Variants in SDC2 observed in about 807,000 individuals in gnomAD.
SDC2 encodes syndecan-2.
Under a neutral mutation model 22.2 loss-of-function variants are expected in SDC2, and 13 were observed. The ratio of observed to expected loss-of-function variants is 0.59; its 90% CI spans 0.38 to 0.93. The LOEUF (loss-of-function observed/expected upper bound fraction) is 0.93, where lower values mean the gene tolerates loss of function less well. Ranked by LOEUF, SDC2 falls within the 40% of genes least tolerant of loss-of-function variation. SDC2 has a pLI of 0.00. For synonymous variants in SDC2, 94 were observed against 92.8 expected, an observed-to-expected ratio of 1.01 and a Z score of -0.07; for missense variants, 235 against 246.8, an observed-to-expected ratio of 0.95 and a Z score of 0.32.
chr8:96,595,659 C>T (rs1439008846), intron 2 of SDC2, among the ~76,000 whole-genome samples: 1 of 152,192 alleles, frequency 6.6e-6, no homozygotes, highest in African/African-American at 2.4e-5. Flanking sequence ...AGTCATTTTG[C>T]TGATTTGCTA....
chr8:96,494,327 A>G lies in SDC2; in HGVS notation c.56A>G (p.Glu19Gly). Reference protein sequence around the residue: ...TLGLVACVSAESRAELTSDKD... With the variant: ...TLGLVACVSAGSRAELTSDKD... ...GGCTTGGTGGCCTGCGTGTCGGCGG[A>G]GTCGGTGAGTGGGCCAGGCGGAGGA... The change falls in exon 1 of 5, where the codon GAG becomes GGG. Residue 19 changes from glutamate (E) to glycine (G), a missense_variant. Glu to Gly is a moderately conservative substitution (Grantham distance 98). Transcript: ENST00000302190. 1 of 1,542,114 alleles carries G rather than the reference A, an allele frequency of 6.5e-7. No homozygotes were observed. Among genetic ancestry groups the G allele is most frequent in the Non-Finnish European group, 8.7e-7 (1 of 1,148,324 alleles).
intron 1 of SDC2, among the ~76,000 whole-genome samples, chr8:96,553,758 A>G (rs1814064674): frequency 7.3e-6 from 1 of 136,254 alleles, no homozygotes; most frequent in Admixed American, 7.5e-5. Flanking sequence ...TTTATTTACG[A>G]TTTTTATTTA....
chr8:96,596,213 C>G (rs1397418369), intron 2 of SDC2, among the ~76,000 whole-genome samples: 1 of 152,104 alleles, frequency 6.6e-6, no homozygotes, highest in Admixed American at 6.5e-5. Context: ...GGGAGTTGGG[C>G]GTGAGAGTGT....
chr8:96,603,100 C>A (rs1005897865), intron 3 of SDC2, among the ~76,000 whole-genome samples: 1 of 152,134 alleles, frequency 6.6e-6, no homozygotes, highest in Non-Finnish European at 1.5e-5. Context: ...AGTAAAGTGA[C>A]CAGCTAATGA....
At chr8:96,532,935 T>C (rs1813689691) in intron 1 of SDC2, among the ~76,000 whole-genome samples, 1 of 152,222 alleles carries the variant, frequency 6.6e-6, no homozygotes, top group African/African-American at 2.4e-5. Context: ...AAGTACATAC[T>C]GTATCCAGAA....
intron 1 of SDC2, among the ~76,000 whole-genome samples, chr8:96,591,307 T>C (rs953895611): frequency 1.3e-5 from 2 of 152,222 alleles, no homozygotes; most frequent in Admixed American, 1.3e-4. Context: ...GACTGTAGGT[T>C]ACTTAAATAG....
intron 1 of SDC2, among the ~76,000 whole-genome samples, chr8:96,559,689 ATAGAGTGCAAGTAGGTC>A (rs527897139): frequency 4.3e-4 from 65 of 152,264 alleles, no homozygotes; most frequent in Middle Eastern, 3.4e-3. Context: ...TCTGTGAGTT[ATAGAGTGCAAGTAGGTC>A]TTGTAGTCTC....
intron 1 of SDC2, among the ~76,000 whole-genome samples, chr8:96,504,332 T>C (rs1813208092): frequency 6.6e-6 from 1 of 152,226 alleles, no homozygotes; most frequent in South Asian, 2.1e-4. Context: ...ATGACATATA[T>C]AGATTCTAAT....
intron 3 of SDC2, 88 bp from the exon 4 acceptor site, chr8:96,608,247 A>G: frequency 7.4e-7 from 1 of 1,356,304 alleles, no homozygotes; most frequent in Non-Finnish European, 1.0e-6. Context: ...TGGGGGAAAA[A>G]AAAATTTTGG....
intron 1 of SDC2, among the ~76,000 whole-genome samples, chr8:96,509,044 G>A (rs1313054325): frequency 1.4e-5 from 2 of 142,054 alleles, no homozygotes; most frequent in Admixed American, 7.0e-5. Context: ...TGCTTTAATG[G>A]CTTCTCTCTG....
chr8:96,593,581 G>A lies in SDC2; in HGVS notation c.162G>A (p.Ala54=), dbSNP rs116458570. 7.8e-5 allele frequency: 125 copies of A among 1,610,028 alleles called. No homozygotes were observed. Among genetic ancestry groups the A allele is most frequent in the Middle Eastern group, 1.7e-4 (1 of 5,980 alleles). Residue 54 remains alanine (A), a synonymous_variant, in exon 2 of 5, where the codon GCG becomes GCA. Coordinates refer to ENST00000302190, the MANE Select transcript of SDC2 (RefSeq NM_002998.4). ...YPIDDDDYAS[A]SGSGADEDVE... The stretch of plus-strand genomic sequence containing the variant: ...TTGATGACGATGACTACGCTTCTGC[G>A]TCTGGCTCGGGTAAGGTGGCTGCTT...
chr8:96,579,615 A>G (rs1374276707), intron 1 of SDC2, among the ~76,000 whole-genome samples: 2 of 152,236 alleles, frequency 1.3e-5, no homozygotes, highest in Non-Finnish European at 2.9e-5. Context: ...CTTGCAAATT[A>G]AAAATTGGAA....
intron 1 of SDC2, 80 bp from the exon 2 acceptor site, chr8:96,593,400 G>GTA (rs1331945513): frequency 1.1e-6 from 1 of 909,412 alleles, no homozygotes; most frequent in African/African-American, 1.6e-5. Flanking sequence ...AGTCACTGCA[G>GTA]TATGTACCTG....
At chr8:96,609,347 A>G in intron 4 of SDC2, 38 bp from the exon 5 acceptor site, 3 of 1,549,026 alleles carry the variant, frequency 1.9e-6, no homozygotes, top group Non-Finnish European at 2.6e-6. Flanking sequence ...GCAACCCTTG[A>G]ATCTCTTCTA....
chr8:96,548,449 A>G (rs538956331), intron 1 of SDC2, among the ~76,000 whole-genome samples: 1 of 152,212 alleles, frequency 6.6e-6, no homozygotes, highest in Non-Finnish European at 1.5e-5. Flanking sequence ...AGAATAATGC[A>G]TACATTTCAA....
At chr8:96,532,913 A>AT (rs913791421) in intron 1 of SDC2, among the ~76,000 whole-genome samples, 5 of 151,966 alleles carry the variant, frequency 3.3e-5, no homozygotes, top group Non-Finnish European at 7.4e-5. Context: ...TGCTAAAGGG[A>AT]TTTTTTTTCT....
chr8:96,523,704 A>G (rs1347900334), intron 1 of SDC2, among the ~76,000 whole-genome samples: 3 of 152,220 alleles, frequency 2.0e-5, no homozygotes, highest in Non-Finnish European at 1.5e-5. Flanking sequence ...CGTGCATTTA[A>G]TAACAGATTA....
chr8:96,541,503 C>CAAAAAA (rs201996850), intron 1 of SDC2, among the ~76,000 whole-genome samples: 5 of 103,270 alleles, frequency 4.8e-5, no homozygotes, highest in African/African-American at 1.8e-4. Context: ...AAGCCCATCT[C>CAAAAAA]AAAAAAAAAA....
chr8:96,576,373 TGTTTTG>T (rs1563667737), intron 1 of SDC2, among the ~76,000 whole-genome samples: 15 of 34,388 alleles, frequency 4.4e-4, no homozygotes, highest in African/African-American at 8.7e-4. Flanking sequence ...AGTTTGTTTT[TGTTTTG>T]TTTTGTTTTT....
Sources: gnomAD v4.1 joint callset for allele counts (sites outside exome capture counted in the v4.1 genomes callset) on GRCh38, gnomAD v4.1.1 for gene constraint, MANE v1.5 for transcripts, NCBI Gene and HGNC (gene_info 2026-07-23, HGNC 2026-07-21) for gene names.